The following EVI5L variants were observed in gnomAD, a reference collection of about 807,000 sequenced individuals.
EVI5L encodes ecotropic viral integration site 5 like.
EVI5L carries 30 observed loss-of-function variants against 106.1 expected under a neutral mutation model. That is an observed-to-expected ratio of 0.28 (90% confidence interval 0.21 to 0.38). The LOEUF (loss-of-function observed/expected upper bound fraction) is 0.38, where lower values mean the gene tolerates loss of function less well. EVI5L is among the 10% of genes least tolerant of loss of function. The pLI is 1.00. For synonymous variants in EVI5L, 489 were observed against 483.3 expected (o/e 1.01, Z -0.15); for missense variants, 809 against 1,098.0 (o/e 0.74, Z 3.72).
chr19:7,852,775 T>C, intron 8 of EVI5L: 1 of 333,532 alleles, frequency 3.0e-6, no homozygotes, highest in Non-Finnish European at 5.7e-6. Context: ...CTCAAACTCC[T>C]GGGCTCAAGC....
At chr19:7,862,898 T>G (rs1979910166) in intron 17 of EVI5L, 74 bp from the exon 18 acceptor site, 1 of 915,378 alleles carries the variant, frequency 1.1e-6, no homozygotes, top group Non-Finnish European at 1.5e-6. Flanking sequence ...CATTCGCCCC[T>G]GCCCGCGGTC....
chr19:7,857,786 T>C lies in EVI5L; in HGVS notation c.1234-405T>C, dbSNP rs2059820. On this transcript the variant is annotated intron_variant, in intron 12 of 19. Transcript: ENST00000538904. This position sits in a 1 kb window ranked among gnomAD's most constrained non-coding sequence, Gnocchi z 4.5. ...ATGCCGCTGGGAGAGGTGAATGCCCTGGGGAGCCCAGCCCTCTCCTGCCGG... is the reference window on the plus strand; with the variant it reads ...ATGCCGCTGGGAGAGGTGAATGCCCCGGGGAGCCCAGCCCTCTCCTGCCGG... 161,092 of 198,582 alleles carry C rather than the reference T, an allele frequency of 0.81. 66,053 individuals carry two copies. The highest frequency in any genetic ancestry group is 0.87 in the South Asian group (9,149 of 10,554). The allele number at this position is 198,582 out of a possible 1,614,324, so 12.3% of individuals were successfully genotyped here. A position where few individuals can be genotyped will look rare whatever the true frequency, so the allele number is the denominator to read the frequency against.
At chr19:7,862,945 C>G (rs1302464082) in intron 17 of EVI5L, 27 bp from the exon 18 acceptor site, 2 of 1,477,674 alleles carry the variant, frequency 1.4e-6, no homozygotes, top group Non-Finnish European at 1.8e-6. Flanking sequence ...GACCCGCCCT[C>G]CTTTCCCCCC....
At chr19:7,860,064 A>G (rs55789806) in intron 13 of EVI5L, among the ~76,000 whole-genome samples, 11,598 of 152,330 alleles carry the variant, frequency 0.076, 527 homozygotes, top group Non-Finnish European at 0.1. Context: ...ACTTCTGAGA[A>G]GCCAGGGCAT....
At position 7,845,347 on chromosome 19, in the gene EVI5L, C is replaced by A. The variant is rs1386059874; in HGVS notation, c.-47-1149C>A. Among the ~76,000 whole-genome samples, 1 of 152,128 alleles carries A rather than the reference C, an allele frequency of 6.6e-6. No individual in the cohort carries two copies. Among genetic ancestry groups the A allele is most frequent in the Admixed American group, 6.5e-5 (1 of 15,286 alleles). On this transcript the variant is annotated intron_variant, in intron 1 of 19. Coordinates refer to ENST00000538904, the MANE Select transcript of EVI5L (RefSeq NM_001159944.3). This position sits in a 1 kb window ranked among gnomAD's most constrained non-coding sequence, Gnocchi z 4.0. ...ACCATCCCCAGCCGCTGCCTCCACT[C>A]CCATAGCCGTCCCTTTCCTCTAGGG...
intron 1 of EVI5L, among the ~76,000 whole-genome samples, chr19:7,846,089 G>A (rs936994567): frequency 3.9e-5 from 6 of 152,190 alleles, no homozygotes; most frequent in African/African-American, 2.4e-5. Context: ...ATTAGGAAGG[G>A]CCAGAAAAGC....
Position 7,863,001 on chromosome 19 carries a change from G to C in EVI5L, c.1977G>C (p.Leu659=). The change falls in exon 18 of 20, where the codon CTG becomes CTC. Residue 659 remains leucine, a synonymous_variant. Coordinates refer to ENST00000538904, the MANE Select transcript of EVI5L (RefSeq NM_001159944.3). This position sits in a 1 kb window ranked among gnomAD's most constrained non-coding sequence, Gnocchi z 7.7. ...AGGAGGAGGTGATGGCTGTGCGACT[G>C]CGGGAGGCGGACAGCATGGCTGCGG... ...KSKEEVMAVR[L]READSMAAVA... is the part of the protein sequence containing the mutation. 2 of 1,579,384 alleles carry C rather than the reference G, an allele frequency of 1.3e-6. No individual in the cohort carries two copies. Among genetic ancestry groups the C allele is most frequent in the Non-Finnish European group, 1.7e-6 (2 of 1,170,730 alleles).
intron 2 of EVI5L, 138 bp from the exon 3 acceptor site, chr19:7,847,594 A>AT: frequency 1.7e-6 from 1 of 606,046 alleles, no homozygotes; most frequent in Non-Finnish European, 2.5e-6. Context: ...TCAAAGAAGA[A>AT]GAAAAAAAAA....
chr19:7,832,255 G>A (rs1035439633), intron 1 of EVI5L, among the ~76,000 whole-genome samples: 18 of 152,340 alleles, frequency 1.2e-4, no homozygotes, highest in Non-Finnish European at 2.1e-4. Context: ...AGACAGGAGA[G>A]GAGATGCTGG....
chr19:7,832,895 C>A (rs888178534), intron 1 of EVI5L, among the ~76,000 whole-genome samples: 1 of 152,080 alleles, frequency 6.6e-6, no homozygotes, highest in Non-Finnish European at 1.5e-5. Flanking sequence ...CCTCTGACAC[C>A]GGGTAGGAAG....
intron 1 of EVI5L, among the ~76,000 whole-genome samples, chr19:7,838,079 AT>A (rs778316597): frequency 6.7e-6 from 1 of 149,916 alleles, no homozygotes; most frequent in East Asian, 2.0e-4. Context: ...TGGTGTGTTT[AT>A]TTTTTTTTTG....
In EVI5L at chr19:7,853,064, G is replaced by A. The variant is rs753966562; in HGVS notation, c.988-22G>A. ...TCAGGGCCTGCATGTTGGTGACCAGGTGACCGGCTGTGTCCCCACAGTACT... is the reference window on the plus strand; with the variant it reads ...TCAGGGCCTGCATGTTGGTGACCAGATGACCGGCTGTGTCCCCACAGTACT... On this transcript the variant is annotated intron_variant, in intron 8 of 19. Coordinates refer to ENST00000538904, the MANE Select transcript of EVI5L (RefSeq NM_001159944.3). The A allele has an allele frequency of 6.8e-6, 11 of 1,613,244 alleles. No individual in the cohort carries two copies. In the Admixed American group the frequency reaches 1.5e-4, roughly 22 times the overall value.
In EVI5L at chr19:7,863,303, G is replaced by T. The variant is rs971257670; in HGVS notation, c.2139+23G>T. The T allele has an allele frequency of 6.4e-7, 1 of 1,550,704 alleles. No individual in the cohort carries two copies. The highest frequency in any genetic ancestry group is 8.7e-7 in the Non-Finnish European group (1 of 1,147,174). The stretch of plus-strand genomic sequence containing the variant: ...GAGGTGAGCCGGCGCGGGGATGCCG[G>T]GGACAGGCCTGGGTGTCGTCGGCCT... On this transcript the variant is annotated intron_variant, in intron 19 of 19. Transcript: ENST00000538904. The surrounding 1 kb of genome is among the most constrained non-coding windows in gnomAD (Gnocchi z 7.7).
chr19:7,853,988 A>G (rs766360562), intron 10 of EVI5L, among the ~76,000 whole-genome samples: 4 of 152,186 alleles, frequency 2.6e-5, no homozygotes, highest in Admixed American at 6.5e-5. Flanking sequence ...TATTTACTCA[A>G]CAAGCATTTA....
In EVI5L at chr19:7,857,200, C is replaced by CA; in HGVS notation, c.1233+76_1233+77insA. The CA allele has an allele frequency of 6.5e-7, 1 of 1,526,946 alleles. No individual in the cohort carries two copies. The highest frequency in any genetic ancestry group is 1.2e-5 in the South Asian group (1 of 83,552). The allele number at this position is 1,526,946 out of a possible 1,614,324, so 94.6% of individuals were successfully genotyped here. A position where few individuals can be genotyped will look rare whatever the true frequency, so the allele number is the denominator to read the frequency against. On this transcript the variant is annotated intron_variant, in intron 12 of 19. Transcript: ENST00000538904. This position sits in a 1 kb window ranked among gnomAD's most constrained non-coding sequence, Gnocchi z 4.5. ...GCACCCTGCACATGACAGCCAGTAA[C>CA]CGCCTCTTCCCTGCCATTCTGCGGG...
chr19:7,833,882 G>A (rs896521246), intron 1 of EVI5L, among the ~76,000 whole-genome samples: 3 of 152,198 alleles, frequency 2.0e-5, no homozygotes, highest in Non-Finnish European at 4.4e-5. Context: ...AAGGAGGTGA[G>A]TTTAGGAGAA....
Position 7,863,181 on chromosome 19 carries a change from G to A in EVI5L, c.2044-4G>A, listed in dbSNP as rs1193812063. 1 of 1,553,932 alleles carries A rather than the reference G, an allele frequency of 6.4e-7. No homozygotes were observed. Among genetic ancestry groups the A allele is most frequent in the Non-Finnish European group, 8.7e-7 (1 of 1,149,040 alleles). On this transcript the variant is annotated splice_polypyrimidine_tract_variant and splice_region_variant and intron_variant, in intron 18 of 19. Coordinates refer to ENST00000538904, the MANE Select transcript of EVI5L (RefSeq NM_001159944.3). The surrounding 1 kb of genome is among the most constrained non-coding windows in gnomAD (Gnocchi z 7.7). ...GGCCCCGCGTGACCTGGCGCACCCC[G>A]CAGAGGGAGGAAGGCCGCATCCAGG...
rs1174174765 is a variant in EVI5L at position 7,858,182 on chromosome 19, T to C, written c.1234-9T>C. The C allele has an allele frequency of 6.4e-7, 1 of 1,556,194 alleles. No individual in the cohort carries two copies. Among genetic ancestry groups the C allele is most frequent in the East Asian group, 2.4e-5 (1 of 41,726 alleles). ...GCCTCCCCCTGCCCCCTGTCCTCGCTGTTCTCAGGGGCAAGTGACACGGGC... is the reference window on the plus strand; with the variant it reads ...GCCTCCCCCTGCCCCCTGTCCTCGCCGTTCTCAGGGGCAAGTGACACGGGC... On this transcript the variant is annotated splice_polypyrimidine_tract_variant and intron_variant, in intron 12 of 19. Transcript: ENST00000538904. This position sits in a 1 kb window ranked among gnomAD's most constrained non-coding sequence, Gnocchi z 5.7.
chr19:7,838,782 G>C (rs1344748597), intron 1 of EVI5L, among the ~76,000 whole-genome samples: 1 of 152,034 alleles, frequency 6.6e-6, no homozygotes, highest in Non-Finnish European at 1.5e-5. Context: ...CAGGGAGAGA[G>C]AGGGGGAAAA....
Sources: gnomAD v4.1 joint callset for allele counts (sites outside exome capture counted in the v4.1 genomes callset) on GRCh38, gnomAD v4.1.1 for gene constraint, Gnocchi (gnomAD v3.1) non-coding constraint, MANE v1.5 for transcripts, NCBI Gene and HGNC (gene_info 2026-07-23, HGNC 2026-07-21) for gene names.